The following COL19A1 variants were observed in gnomAD, a reference collection of about 807,000 sequenced individuals.
COL19A1 encodes collagen type XIX alpha 1 chain, also known as collagen alpha-1(XIX) chain.
A neutral mutation model predicts 190.2 loss-of-function variants in COL19A1; 159 were observed. The ratio of observed to expected loss-of-function variants is 0.84; its 90% CI spans 0.73 to 0.95. COL19A1 has a LOEUF of 0.95. Among genes scored for constraint, COL19A1 ranks in the 40% least tolerant of loss-of-function variants. The pLI, the probability that COL19A1 is intolerant of heterozygous loss-of-function variation, is 0.00. For missense variants in COL19A1, 1,418 were observed against 1,431.9 expected, an observed-to-expected ratio of 0.99 and a Z score of 0.16; for synonymous variants, 509 against 458.9, an observed-to-expected ratio of 1.11 and a Z score of -1.39.
chr6:69,885,155 C>T (rs748040750), intron 2 of COL19A1, among the ~76,000 whole-genome samples: 4 of 152,058 alleles, frequency 2.6e-5, no homozygotes, highest in African/African-American at 2.4e-5. Context: ...TGAGCCACCG[C>T]GCTGGGCCCC....
chr6:70,165,812 A>G, intron 36 of COL19A1, 129 bp from the exon 37 acceptor site: 2 of 850,202 alleles, frequency 2.4e-6, no homozygotes, highest in South Asian at 2.9e-5. Context: ...GAATAAGACT[A>G]CAAGGCTGAA....
chr6:70,186,644 G>A (rs1766534223), intron 46 of COL19A1, among the ~76,000 whole-genome samples: 1 of 152,168 alleles, frequency 6.6e-6, no homozygotes, highest in Non-Finnish European at 1.5e-5. Context: ...TATTTGGTGT[G>A]AGGATCACTT....
At chr6:69,897,638 T>A (rs1769884112) in intron 2 of COL19A1, among the ~76,000 whole-genome samples, 1 of 152,190 alleles carries the variant, frequency 6.6e-6, no homozygotes, top group African/African-American at 2.4e-5. Context: ...GCATGTTTTA[T>A]AGATTTTAGT....
At chr6:70,133,910 G>A (rs1263040134) in intron 18 of COL19A1, among the ~76,000 whole-genome samples, 2 of 152,162 alleles carry the variant, frequency 1.3e-5, no homozygotes, top group African/African-American at 4.8e-5. Flanking sequence ...GTGGAAAGAT[G>A]GACTGCAACC....
rs569001328 is a variant in COL19A1, at chr6:69,873,911, T to A, written c.-32-5625T>A. Among the ~76,000 whole-genome samples, 3 of 152,318 alleles carry A rather than the reference T, an allele frequency of 2.0e-5. No individual in the cohort carries two copies. The East Asian group carries it at 5.8e-4, about 29-fold the overall frequency. ...AGGATCCACATATATTAGCTTGAGG[T>A]TCTTCATTAGCCACTCCATTGAGAA... On this transcript the variant is annotated intron_variant, in intron 1 of 50. Coordinates refer to ENST00000620364, the MANE Select transcript of COL19A1 (RefSeq NM_001858.6).
At chr6:70,156,820 AT>A in intron 34 of COL19A1, 97 bp downstream of exon 34, 2 of 847,106 alleles carry the variant, frequency 2.4e-6, no homozygotes, top group Non-Finnish European at 1.8e-6. Flanking sequence ...CTCAGATCTG[AT>A]GCTATAACCA....
intron 35 of COL19A1, among the ~76,000 whole-genome samples, chr6:70,162,324 A>T (rs1226458957): frequency 1.3e-5 from 2 of 151,764 alleles, no homozygotes. Flanking sequence ...AAAGGAAAAA[A>T]AAGTGTGCTA....
chr6:70,070,295 A>G (rs970718367), intron 15 of COL19A1, among the ~76,000 whole-genome samples: 1 of 152,174 alleles, frequency 6.6e-6, no homozygotes, highest in Non-Finnish European at 1.5e-5. Context: ...CATGATAATA[A>G]AGAAGGAAAT....
chr6:70,068,835 T>C (rs1028861276), intron 15 of COL19A1, among the ~76,000 whole-genome samples: 2 of 152,142 alleles, frequency 1.3e-5, no homozygotes, highest in Non-Finnish European at 2.9e-5. Context: ...TTAACTACAT[T>C]CTTTATCCAA....
At chr6:70,049,530 C>T (rs1046345323) in intron 14 of COL19A1, among the ~76,000 whole-genome samples, 1 of 151,836 alleles carries the variant, frequency 6.6e-6, no homozygotes, top group African/African-American at 2.4e-5. Flanking sequence ...ATATCTCTTT[C>T]GTTAGATGAT....
intron 2 of COL19A1, among the ~76,000 whole-genome samples, chr6:69,883,279 C>A (rs1384784920): frequency 1.3e-5 from 2 of 152,172 alleles, no homozygotes; most frequent in East Asian, 3.8e-4. Flanking sequence ...AATCTGATTT[C>A]TAAGCCTGCA....
At chr6:69,895,622 G>A (rs928538888) in intron 2 of COL19A1, among the ~76,000 whole-genome samples, 1 of 152,212 alleles carries the variant, frequency 6.6e-6, no homozygotes, top group African/African-American at 2.4e-5. Flanking sequence ...GAAGGGCCAG[G>A]GTCCTCCCCA....
intron 16 of COL19A1, among the ~76,000 whole-genome samples, chr6:70,108,480 T>G (rs1784100162): frequency 6.6e-6 from 1 of 152,128 alleles, no homozygotes; most frequent in Non-Finnish European, 1.5e-5. Flanking sequence ...AGTCAAAGAA[T>G]GACAATAGCT....
At chr6:70,005,574 C>T (rs1199031583) in intron 11 of COL19A1, among the ~76,000 whole-genome samples, 2 of 152,112 alleles carry the variant, frequency 1.3e-5, no homozygotes, top group Non-Finnish European at 2.9e-5. Context: ...CAACCTGATG[C>T]CAGTAGGATT....
rs757720596 is a variant in COL19A1 at position 69,927,971 on chromosome 6, G to C, written c.329G>C (p.Arg110Thr). Residue 110 changes from arginine (R) to threonine (T), a missense_variant, in exon 5 of 51, where the codon AGA (arginine) becomes ACA (threonine). Coordinates refer to ENST00000620364, the MANE Select transcript of COL19A1 (RefSeq NM_001858.6). The stretch of plus-strand genomic sequence containing the variant: ...GTAGCTGCCATGTTTCGAGTACGAA[G>C]AAACGCCAAAAAGGAACGGTGGTTT... ...YSVAAMFRVR[R>T]NAKKERWFLW... is the part of the protein sequence containing the mutation. 1 of 1,613,430 alleles carries C rather than the reference G, an allele frequency of 6.2e-7. No individual in the cohort carries two copies. The highest frequency in any genetic ancestry group is 8.5e-7 in the Non-Finnish European group (1 of 1,179,574).
Position 69,900,335 on chromosome 6 carries a change from CTA to C in COL19A1, c.265_266del (p.Ile89Ter). ...GGAAGTGCACTTCTTATTAGAGACA[CTA>C]TGTAAGTAAAAAATTATTTTCTTTA... On this transcript the variant is annotated frameshift_variant and splice_region_variant, in exon 4 of 51. Coordinates refer to ENST00000620364, the MANE Select transcript of COL19A1 (RefSeq NM_001858.6). LOFTEE classifies it high-confidence loss of function. 1 of 1,485,558 alleles carries C rather than the reference CTA, an allele frequency of 6.7e-7. No individual in the cohort carries two copies. The highest frequency in any genetic ancestry group is 1.4e-5 in the South Asian group (1 of 73,664). The allele number at this position is 1,485,558 out of a possible 1,614,324, so 92.0% of individuals were successfully genotyped here. A position where few individuals can be genotyped will look rare whatever the true frequency, so the allele number is the denominator to read the frequency against.
At position 70,206,988 on chromosome 6, in the gene COL19A1, A is replaced by T. The variant is rs1264704997; in HGVS notation, c.3301+10A>T. 6.2e-7 allele frequency: 1 copy of T among 1,612,828 alleles called. No individual in the cohort carries two copies. Among genetic ancestry groups the T allele is most frequent in the African/African-American group, 1.3e-5 (1 of 74,904 alleles). ...CTTCCTGGGACTTCAGGTAAGTGGG[A>T]TATTGTCTTCACAACACAAGCAAGC... On this transcript the variant is annotated intron_variant, in intron 50 of 50. Coordinates refer to ENST00000620364, the MANE Select transcript of COL19A1 (RefSeq NM_001858.6).
At chr6:69,929,267 CTTTTA>C (rs1273225783) in intron 5 of COL19A1, among the ~76,000 whole-genome samples, 153 bp from the exon 6 acceptor site, 3 of 151,908 alleles carry the variant, frequency 2.0e-5, no homozygotes, top group Non-Finnish European at 4.4e-5. Context: ...GTTTGCTGTT[CTTTTA>C]TTTTAACAAA....
chr6:70,115,796 G>GTT (rs71813716), intron 16 of COL19A1, among the ~76,000 whole-genome samples: 8 of 92,088 alleles, frequency 8.7e-5, no homozygotes, highest in African/African-American at 2.9e-4. Context: ...AGCAGTTGTT[G>GTT]TTTTTTTTGT....
Sources: gnomAD v4.1 joint callset for allele counts (sites outside exome capture counted in the v4.1 genomes callset) on GRCh38, gnomAD v4.1.1 for gene constraint, MANE v1.5 for transcripts, NCBI Gene and HGNC (gene_info 2026-07-23, HGNC 2026-07-21) for gene names.